SPATA17: variants seen among roughly 807,000 people sequenced by gnomAD.
SPATA17 encodes spermatogenesis associated 17.
Under a neutral mutation model 62.2 loss-of-function variants are expected in SPATA17, and 53 were observed. The observed-to-expected ratio is 0.85, with a 90% confidence interval of 0.68 to 1.07. SPATA17 has a LOEUF of 1.07. Ranked by LOEUF, SPATA17 falls within the 50% of genes least tolerant of loss-of-function variation. The pLI, the probability that SPATA17 is intolerant of heterozygous loss-of-function variation, is 0.00. For synonymous variants in SPATA17, 146 were observed against 146.8 expected, an observed-to-expected ratio of 0.99 and a Z score of 0.04; for missense variants, 466 against 425.5, an observed-to-expected ratio of 1.10 and a Z score of -0.84.
intron 9 of SPATA17, among the ~76,000 whole-genome samples, chr1:217,813,047 C>T (rs1674632143): frequency 1.3e-5 from 2 of 152,102 alleles, no homozygotes; most frequent in African/African-American, 4.8e-5. Flanking sequence ...TTATAAGCTA[C>T]AAAGCATAAA....
At chr1:217,822,421 A>G (rs1674886297) in intron 9 of SPATA17, among the ~76,000 whole-genome samples, 1 of 151,186 alleles carries the variant, frequency 6.6e-6, no homozygotes, top group Non-Finnish European at 1.5e-5. Flanking sequence ...TCTTTTTCTT[A>G]CTATTTTTCT....
At chr1:217,688,750 TCAAA>T (rs1671282909) in intron 5 of SPATA17, among the ~76,000 whole-genome samples, 1 of 152,190 alleles carries the variant, frequency 6.6e-6, no homozygotes, top group Admixed American at 6.5e-5. Flanking sequence ...CCGGAGACTC[TCAAA>T]CAAAGCTACC....
chr1:217,756,141 A>G (rs538993128), intron 6 of SPATA17, among the ~76,000 whole-genome samples: 3 of 152,298 alleles, frequency 2.0e-5, no homozygotes, highest in African/African-American at 7.2e-5. Flanking sequence ...TTTTATGTAC[A>G]TGTCCTAATT....
At chr1:217,714,414 A>G (rs561079057) in intron 5 of SPATA17, among the ~76,000 whole-genome samples, 4 of 151,810 alleles carry the variant, frequency 2.6e-5, no homozygotes, top group African/African-American at 9.7e-5. Flanking sequence ...GCAAAATATC[A>G]TGCACTATAT....
intron 9 of SPATA17, among the ~76,000 whole-genome samples, chr1:217,830,950 TA>T (rs960312285): frequency 6.6e-6 from 1 of 152,158 alleles, no homozygotes; most frequent in African/African-American, 2.4e-5. Context: ...TATAAAGGAA[TA>T]AAAATAGTGA....
chr1:217,843,181 T>C (rs1675448853), intron 9 of SPATA17, among the ~76,000 whole-genome samples: 1 of 152,126 alleles, frequency 6.6e-6, no homozygotes, highest in South Asian at 2.1e-4. Context: ...AAGAATACAG[T>C]TCTTGGGCAC....
chr1:217,715,786 A>G (rs1671988817), intron 5 of SPATA17, among the ~76,000 whole-genome samples: 1 of 151,826 alleles, frequency 6.6e-6, no homozygotes, highest in Admixed American at 6.6e-5. Context: ...TCTTTGTTGT[A>G]TTTCCGCTGT....
At chr1:217,807,378 A>G (rs1406404856) in intron 9 of SPATA17, among the ~76,000 whole-genome samples, 1 of 152,160 alleles carries the variant, frequency 6.6e-6, no homozygotes, top group East Asian at 1.9e-4. Context: ...ATATATTCAT[A>G]TAACAAACCT....
chr1:217,678,096 T>C (rs535051317), intron 4 of SPATA17, among the ~76,000 whole-genome samples: 2 of 152,172 alleles, frequency 1.3e-5, no homozygotes, highest in Non-Finnish European at 2.9e-5. Flanking sequence ...AGTATAATTA[T>C]GAATAACTGA....
In SPATA17 at chr1:217,683,323, G is replaced by A. The variant is rs765488293; in HGVS notation, c.357G>A (p.Glu119=). 1.9e-6 allele frequency: 3 copies of A among 1,610,080 alleles called. No homozygotes were observed. In the South Asian group the frequency reaches 3.3e-5, roughly 18 times the overall value. The change falls in exon 5 of 11, where the codon GAG becomes GAA. Residue 119 remains glutamate (E), a synonymous_variant. Coordinates refer to ENST00000366933, the MANE Select transcript of SPATA17 (RefSeq NM_138796.4). ...KYLFNYYYLK[E]YLKVVSETND... ...TCTTTAATTATTATTATTTGAAAGAGTACCTGAAAGTCGTTTCAGAGACCA... is the reference window on the plus strand; with the variant it reads ...TCTTTAATTATTATTATTTGAAAGAATACCTGAAAGTCGTTTCAGAGACCA...
chr1:217,744,188 C>T (rs1197218239), intron 6 of SPATA17, among the ~76,000 whole-genome samples: 2 of 47,242 alleles, frequency 4.2e-5, no homozygotes, highest in African/African-American at 9.7e-5. Context: ...TTCGGCCGGG[C>T]GCGGTGGCTC....
intron 9 of SPATA17, among the ~76,000 whole-genome samples, chr1:217,845,429 C>G (rs1408448262): frequency 1.3e-5 from 2 of 152,020 alleles, no homozygotes; most frequent in Non-Finnish European, 2.9e-5. Context: ...TTCTCCAACA[C>G]TAATAATTGA....
At chr1:217,849,570 A>G (rs1675601140) in intron 9 of SPATA17, among the ~76,000 whole-genome samples, 1 of 152,164 alleles carries the variant, frequency 6.6e-6, no homozygotes. Context: ...TCTTGCCAGG[A>G]GTGCAAGTAT....
At chr1:217,749,985 C>CTCTCTCTCTATATATATATATATATATA in intron 6 of SPATA17, among the ~76,000 whole-genome samples, 10 of 12,310 alleles carry the variant, frequency 8.1e-4, no homozygotes, top group South Asian at 3.2e-3. Context: ...CTCTCTCTCT[C>CTCTCTCTCTATATATATATATATATATA]TATATATATA....
At chr1:217,653,521 AAAT>A (rs1670368500) in intron 3 of SPATA17, among the ~76,000 whole-genome samples, 1 of 152,132 alleles carries the variant, frequency 6.6e-6, no homozygotes, top group Non-Finnish European at 1.5e-5. Flanking sequence ...TAATATAGTT[AAAT>A]ATATACTCTT....
chr1:217,762,230 A>C (rs1673187640), intron 6 of SPATA17, among the ~76,000 whole-genome samples: 1 of 152,176 alleles, frequency 6.6e-6, no homozygotes, highest in African/African-American at 2.4e-5. Flanking sequence ...ATTTTTATTT[A>C]GAAAACACTC....
intron 9 of SPATA17, among the ~76,000 whole-genome samples, chr1:217,830,443 A>G (rs1675113927): frequency 6.6e-6 from 1 of 152,106 alleles, no homozygotes; most frequent in Non-Finnish European, 1.5e-5. Flanking sequence ...CCTCGACTCA[A>G]ACAGGGCTCC....
chr1:217,631,689 A>G (rs953552635), intron 1 of SPATA17, among the ~76,000 whole-genome samples: 3 of 152,162 alleles, frequency 2.0e-5, no homozygotes, highest in African/African-American at 7.2e-5. Context: ...AGCATAGATA[A>G]AATTGTAAAG....
At chr1:217,761,296 A>T (rs1673168229) in intron 6 of SPATA17, among the ~76,000 whole-genome samples, 1 of 151,980 alleles carries the variant, frequency 6.6e-6, no homozygotes, top group Non-Finnish European at 1.5e-5. Context: ...GTCATATGGG[A>T]CTATTTATAG....
Sources: allele counts gnomAD v4.1 joint callset (sites outside exome capture counted in the v4.1 genomes callset), GRCh38; gene constraint gnomAD v4.1.1; transcripts MANE v1.5; gene names NCBI Gene and HGNC (gene_info 2026-07-23, HGNC 2026-07-21).